Variants in CLIP4 observed in about 807,000 individuals in gnomAD.
The protein encoded by CLIP4 is CAP-Gly domain containing linker protein family member 4, also known as CAP-Gly domain-containing linker protein 4.
A neutral mutation model predicts 73.1 loss-of-function variants in CLIP4; 47 were observed. The ratio of observed to expected loss-of-function variants is 0.64; its 90% CI spans 0.51 to 0.82. The LOEUF (loss-of-function observed/expected upper bound fraction) is 0.82, where lower values mean the gene tolerates loss of function less well. Among genes scored for constraint, CLIP4 ranks in the 40% least tolerant of loss-of-function variants. The pLI, the probability that CLIP4 is intolerant of heterozygous loss-of-function variation, is 0.00. For synonymous variants in CLIP4, 306 were observed against 295.4 expected, an observed-to-expected ratio of 1.04 and a Z score of -0.37; for missense variants, 874 against 852.9, an observed-to-expected ratio of 1.02 and a Z score of -0.31.
chr2:29,181,526 T>C, intron 15 of CLIP4, 46 bp from the exon 16 acceptor site: 1 of 1,460,704 alleles, frequency 6.8e-7, no homozygotes, highest in Non-Finnish European at 9.3e-7. Flanking sequence ...TTGCATTACG[T>C]GGCTTCAGCA....
intron 9 of CLIP4, among the ~76,000 whole-genome samples, chr2:29,154,434 A>G (rs1351159505): frequency 1.3e-5 from 2 of 152,200 alleles, no homozygotes; most frequent in Non-Finnish European, 2.9e-5. Context: ...ACCCCAAGGA[A>G]GGGAAATCCA....
chr2:29,115,263 C>T (rs1363432139), upstream of CLIP4: 1 of 152,274 alleles, frequency 6.6e-6, no homozygotes, highest in African/African-American at 2.4e-5. This position sits in a 1 kb window ranked among gnomAD's most constrained non-coding sequence, Gnocchi z 5.1. Flanking sequence ...GCCGGGGCCG[C>T]CTGGCTTCGC....
chr2:29,113,905 A>G (rs186421628), upstream of CLIP4: 1 of 152,318 alleles, frequency 6.6e-6, no homozygotes, highest in Admixed American at 6.5e-5. This position sits in a 1 kb window ranked among gnomAD's most constrained non-coding sequence, Gnocchi z 4.0. Context: ...TTAACCAGCT[A>G]AAGAGATGGG....
intron 1 of CLIP4, among the ~76,000 whole-genome samples, chr2:29,099,244 C>T (rs1667968980): frequency 6.6e-6 from 1 of 152,040 alleles, no homozygotes; most frequent in Admixed American, 6.5e-5. Flanking sequence ...TTAATTATGC[C>T]TTTGGTGTTG....
upstream of CLIP4, among the ~76,000 whole-genome samples, chr2:29,111,467 C>G (rs192724147): frequency 2.1e-4 from 32 of 152,292 alleles, no homozygotes; most frequent in African/African-American, 7.0e-4. Context: ...AAAACATAGA[C>G]CAGCATATTG....
chr2:29,119,445 A>G (rs560958006), intron 1 of CLIP4, among the ~76,000 whole-genome samples: 65 of 152,064 alleles, frequency 4.3e-4, no homozygotes, highest in African/African-American at 1.5e-3. Context: ...TCATGTGGTG[A>G]CTCCTCTTAA....
upstream of CLIP4, among the ~76,000 whole-genome samples, chr2:29,114,596 G>A (rs923050822): frequency 1.3e-5 from 2 of 152,222 alleles, no homozygotes; most frequent in East Asian, 1.9e-4. Flanking sequence ...CAAGTGGGAA[G>A]GGGGCTTTTT....
At chr2:29,170,514 C>A (rs773734068) in intron 14 of CLIP4, among the ~76,000 whole-genome samples, 19 of 152,178 alleles carry the variant, frequency 1.2e-4, no homozygotes, top group Non-Finnish European at 2.9e-5. Context: ...ATGTATCAGA[C>A]ATGTGTTTTG....
intron 1 of CLIP4, among the ~76,000 whole-genome samples, chr2:29,103,775 A>G (rs1034304743): frequency 6.6e-6 from 1 of 151,014 alleles, no homozygotes; most frequent in African/African-American, 2.4e-5. Context: ...GTGCAATGGC[A>G]TGATCTCAGC....
chr2:29,147,419 G>A (rs193138195), intron 8 of CLIP4, among the ~76,000 whole-genome samples: 4 of 152,092 alleles, frequency 2.6e-5, no homozygotes, highest in Admixed American at 2.6e-4. Context: ...AACCTCATTT[G>A]CAATGTTTTT....
At chr2:29,112,406 TTAAA>T (rs1348015590), upstream of CLIP4, among the ~76,000 whole-genome samples, 1 of 152,242 alleles carries the variant, frequency 6.6e-6, no homozygotes. Flanking sequence ...TTTTATGTCC[TTAAA>T]TAGAGTTTTA....
chr2:29,172,845 C>T (rs1338676412), intron 14 of CLIP4, among the ~76,000 whole-genome samples: 3 of 152,066 alleles, frequency 2.0e-5, no homozygotes, highest in Non-Finnish European at 4.4e-5. Flanking sequence ...CTGCTTAATC[C>T]GGCCATAAAG....
intron 1 of CLIP4, among the ~76,000 whole-genome samples, chr2:29,103,116 CT>C (rs1284297351): frequency 6.6e-6 from 1 of 152,140 alleles, no homozygotes; most frequent in East Asian, 1.9e-4. Flanking sequence ...CTCCTTCTCC[CT>C]CCAAAGAACA....
At chr2:29,127,006 A>G (rs1664651360) in intron 2 of CLIP4, among the ~76,000 whole-genome samples, 1 of 152,126 alleles carries the variant, frequency 6.6e-6, no homozygotes, top group Non-Finnish European at 1.5e-5. Flanking sequence ...TGGAAACACA[A>G]TTTTTCTCTC....
At position 29,152,834 on chromosome 2, in the gene CLIP4, T is replaced by A. The variant is rs1160595200; in HGVS notation, c.1165+6T>A. 3 of 1,611,138 alleles carry A rather than the reference T, an allele frequency of 1.9e-6. No homozygotes were observed. The African/African-American group carries it at 4.0e-5, about 22-fold the overall frequency. On this transcript the variant is annotated splice_donor_region_variant and intron_variant, in intron 9 of 15. Transcript: ENST00000320081. The stretch of plus-strand genomic sequence containing the variant: ...GACGTCAAAAGTAAATACTGGTAGG[T>A]CAAACCAGAAAGTTAACCATCTGCT...
chr2:29,169,350 T>C (rs1017268827), intron 14 of CLIP4, among the ~76,000 whole-genome samples: 1 of 151,316 alleles, frequency 6.6e-6, no homozygotes, highest in Admixed American at 6.6e-5. Flanking sequence ...TGTGTGTGTG[T>C]GTGTGTGTGT....
chr2:29,154,372 A>G (rs1030817709), intron 9 of CLIP4, among the ~76,000 whole-genome samples: 1 of 152,136 alleles, frequency 6.6e-6, no homozygotes, highest in African/African-American at 2.4e-5. Context: ...TCCAGTCCCC[A>G]GGCAGTCCTA....
At chr2:29,180,413 G>A (rs1272187878) in intron 15 of CLIP4, among the ~76,000 whole-genome samples, 1 of 152,170 alleles carries the variant, frequency 6.6e-6, no homozygotes, top group Non-Finnish European at 1.5e-5. Context: ...GGTGGTGAGT[G>A]CTAGGAGACG....
rs2148127063 is a variant in CLIP4, at chr2:29,181,701, T to C, written c.1926T>C (p.Tyr642=). The change falls in exon 16 of 16, where the codon TAT becomes TAC. Residue 642 remains tyrosine (Y), a synonymous_variant. Transcript: ENST00000320081. ...CCAATGAGATGGGTACTGTTAGGTATGTGGGCCCCACTGACTTTGCTTCAG... is the reference window on the plus strand; with the variant it reads ...CCAATGAGATGGGTACTGTTAGGTACGTGGGCCCCACTGACTTTGCTTCAG... ...TSSNEMGTVR[Y]VGPTDFASGI... 1 of 1,614,194 alleles carries C rather than the reference T, an allele frequency of 6.2e-7. No homozygotes were observed. Among genetic ancestry groups the C allele is most frequent in the South Asian group, 1.1e-5 (1 of 91,086 alleles).
Sources: allele counts gnomAD v4.1 joint callset (sites outside exome capture counted in the v4.1 genomes callset), GRCh38; gene constraint gnomAD v4.1.1; non-coding constraint Gnocchi (gnomAD v3.1); transcripts MANE v1.5; gene names NCBI Gene and HGNC (gene_info 2026-07-23, HGNC 2026-07-21).